Variants in PNPO observed in about 807,000 individuals in gnomAD.
The protein encoded by PNPO is pyridoxine-5'-phosphate oxidase.
Under a neutral mutation model 35.0 loss-of-function variants are expected in PNPO, and 39 were observed. The observed-to-expected ratio is 1.11, with a 90% CI of 0.86 to 1.45. PNPO has a LOEUF of 1.45. Ranked by LOEUF, PNPO falls within the 40% of genes most tolerant of loss-of-function variation. PNPO has a pLI of 0.00. For synonymous variants in PNPO, 115 were observed against 119.8 expected, an observed-to-expected ratio of 0.96 and a Z score of 0.26; for missense variants, 288 against 340.0, an observed-to-expected ratio of 0.85 and a Z score of 1.20.
rs931589895 is a variant in PNPO, at chr17:47,949,181, C to T, written c.*2399C>T. On this transcript the variant is annotated 3_prime_UTR_variant, in exon 7 of 7. Transcript: ENST00000642017. The stretch of plus-strand genomic sequence containing the variant: ...TGTGTGTGTCTAGAAGTGCTGCACT[C>T]ACCTTGTGTTATTGGAGGTTGTGTA... 1 of 152,290 alleles carries T rather than the reference C, an allele frequency of 6.6e-6. No homozygotes were observed. The allele number at this position is 152,290 out of a possible 1,614,324, so 9.4% of individuals were successfully genotyped here. A position where few individuals can be genotyped will look rare whatever the true frequency, so the allele number is the denominator to read the frequency against.
chr17:47,944,804 C>A (rs951775316), intron 3 of PNPO, 89 bp downstream of exon 3: 1 of 1,000,292 alleles, frequency 1.0e-6, no homozygotes, highest in South Asian at 1.3e-5. Context: ...CCCCACCCCC[C>A]CAGTCTACTT....
chr17:47,948,050 A>G lies in PNPO; in HGVS notation c.*1268A>G, dbSNP rs974222349. ...TTACAGGGAAGCAGGTTTCATCTCA[A>G]TATTGGGAGAGATTTCAAACAATCA... On this transcript the variant is annotated 3_prime_UTR_variant, in exon 7 of 7. Coordinates refer to ENST00000642017, the MANE Select transcript of PNPO (RefSeq NM_018129.4). 1 of 152,142 alleles carries G rather than the reference A, an allele frequency of 6.6e-6. No individual in the cohort carries two copies. The highest frequency in any genetic ancestry group is 1.5e-5 in the Non-Finnish European group (1 of 68,024). 9.4% of individuals were successfully genotyped at this position (152,142 alleles called of 1,614,324 possible). A position where few individuals can be genotyped will look rare whatever the true frequency, so the allele number is the denominator to read the frequency against.
chr17:47,944,456 C>T (rs1376881948), intron 2 of PNPO, among the ~76,000 whole-genome samples, 160 bp from the exon 3 acceptor site: 5 of 152,076 alleles, frequency 3.3e-5, no homozygotes, highest in Non-Finnish European at 5.9e-5. Context: ...GGTGTCATAC[C>T]TCTAGGACAA....
chr17:47,943,498 C>T (rs1206596396), intron 2 of PNPO, 68 bp downstream of exon 2: 2 of 1,579,574 alleles, frequency 1.3e-6, no homozygotes, highest in African/African-American at 2.7e-5. Flanking sequence ...AAGCTCTCTA[C>T]TCTGGATGCC....
At position 47,948,953 on chromosome 17, in the gene PNPO, G is replaced by A. The variant is rs148253026; in HGVS notation, c.*2171G>A. Reference sequence around the variant, plus strand: ...TGAACTGTGCTTCCTTCCCCTGCATGGACCTGTGCCTCAGTCACTATTATC... The same window carrying A: ...TGAACTGTGCTTCCTTCCCCTGCATAGACCTGTGCCTCAGTCACTATTATC... On this transcript the variant is annotated 3_prime_UTR_variant, in exon 7 of 7. Transcript: ENST00000642017. 57 of 152,510 alleles carry A rather than the reference G, an allele frequency of 3.7e-4. No individual in the cohort carries two copies. The highest frequency in any genetic ancestry group is 1.3e-3 in the African/African-American group (54 of 41,592). 9.4% of individuals were successfully genotyped at this position (152,510 alleles called of 1,614,324 possible).
rs1267005621 is a variant in PNPO at position 47,945,692 on chromosome 17, C to T, written c.417+80C>T. 15 of 1,453,406 alleles carry T rather than the reference C, an allele frequency of 1.0e-5. No individual in the cohort carries two copies. Among genetic ancestry groups the T allele is most frequent in the Non-Finnish European group, 1.5e-5 (15 of 1,034,084 alleles). The allele number at this position is 1,453,406 out of a possible 1,614,324, so 90.0% of individuals were successfully genotyped here. A position where few individuals can be genotyped will look rare whatever the true frequency, so the allele number is the denominator to read the frequency against. On this transcript the variant is annotated intron_variant, in intron 4 of 6. Coordinates refer to ENST00000642017, the MANE Select transcript of PNPO (RefSeq NM_018129.4). The surrounding 1 kb of genome is among the most constrained non-coding windows in gnomAD (Gnocchi z 4.0). ...TTTATGGCTACGTCTAGCGAAGGTC[C>T]CCAGACTGGGCAAACATCCCAGCTG...
chr17:47,941,720 T>C lies in PNPO; in HGVS notation c.45T>C (p.Pro15=). 1 of 1,545,266 alleles carries C rather than the reference T, an allele frequency of 6.5e-7. No homozygotes were observed. The highest frequency in any genetic ancestry group is 8.7e-7 in the Non-Finnish European group (1 of 1,142,944). ...LRGVTATFGR[P]AEWPGYLSHL... is the part of the protein sequence containing the mutation. ...GCGTCACGGCGACGTTCGGGCGACC[T>C]GCCGAGTGGCCAGGCTACCTCAGTC... Residue 15 remains proline (P), a synonymous_variant, in exon 1 of 7, where the codon CCT becomes CCC. Transcript: ENST00000642017.
Position 47,947,572 on chromosome 17 carries a change from A to G in PNPO, c.*790A>G, listed in dbSNP as rs2144168203. 7.1e-6 allele frequency: 1 copy of G among 140,144 alleles called. No homozygotes were observed. Among genetic ancestry groups the G allele is most frequent in the East Asian group, 2.1e-4 (1 of 4,690 alleles). 8.7% of individuals were successfully genotyped at this position (140,144 alleles called of 1,614,324 possible). A position where few individuals can be genotyped will look rare whatever the true frequency, so the allele number is the denominator to read the frequency against. On this transcript the variant is annotated 3_prime_UTR_variant, in exon 7 of 7. Coordinates refer to ENST00000642017, the MANE Select transcript of PNPO (RefSeq NM_018129.4). ...GAGATGGAGTCTCACTCTGTCACCCAGGCTGGAGTGCAGTGGTGTGATCTT... is the reference window on the plus strand; with the variant it reads ...GAGATGGAGTCTCACTCTGTCACCCGGGCTGGAGTGCAGTGGTGTGATCTT...
At chr17:47,942,518 G>A (rs1429698679) in intron 1 of PNPO, among the ~76,000 whole-genome samples, 1 of 152,184 alleles carries the variant, frequency 6.6e-6, no homozygotes, top group Non-Finnish European at 1.5e-5. Context: ...TGGAATATGG[G>A]GGAAGGGGAC....
chr17:47,944,710 G>A lies in PNPO; in HGVS notation c.358G>A (p.Glu120Lys). 6.2e-7 allele frequency: 1 copy of A among 1,613,126 alleles called. No homozygotes were observed. The highest frequency in any genetic ancestry group is 8.5e-7 in the Non-Finnish European group (1 of 1,179,054). The change falls in exon 3 of 7, where the codon GAG becomes AAG. Residue 120 changes from glutamate to lysine, a missense_variant. Coordinates refer to ENST00000642017, the MANE Select transcript of PNPO (RefSeq NM_018129.4). ...TAACTTCGAGAGTCGAAAAGGAAAA[G>A]AGCTGGTGGGTGAAAAGAGCTAGTA... The part of the protein sequence containing the change: ...FTNFESRKGK[E>K]LDSNPFASLV...
chr17:47,945,784 A>G lies in PNPO; in HGVS notation c.418-77A>G. On this transcript the variant is annotated intron_variant, in intron 4 of 6. Transcript: ENST00000642017. This position sits in a 1 kb window ranked among gnomAD's most constrained non-coding sequence, Gnocchi z 4.0. ...AGAGTGGTGGGGCAGCCGATCGAAC[A>G]GAGAGGAACGGGGCCTGTGCTGGTA... 1 of 1,571,396 alleles carries G rather than the reference A, an allele frequency of 6.4e-7. No individual in the cohort carries two copies. The highest frequency in any genetic ancestry group is 8.7e-7 in the Non-Finnish European group (1 of 1,151,214).
At position 47,941,758 on chromosome 17, in the gene PNPO, G is replaced by T. The variant is rs866973135; in HGVS notation, c.83G>T (p.Arg28Leu). ...WPGYLSHLCG[R>L]SAAMDLGPMR... ...GGCTACCTCAGTCACCTGTGTGGTC[G>T]CAGTGCTGCCATGGACCTGGGACCC... Residue 28 changes from arginine to leucine, a missense_variant, in exon 1 of 7, where the codon CGC becomes CTC. Transcript: ENST00000642017. 1.3e-6 allele frequency: 2 copies of T among 1,562,002 alleles called. No individual in the cohort carries two copies.
intron 2 of PNPO, among the ~76,000 whole-genome samples, chr17:47,944,240 G>GTGTTGT (rs1451103639): frequency 6.5e-5 from 8 of 122,904 alleles, no homozygotes; most frequent in Non-Finnish European, 1.4e-4. Flanking sequence ...TGTGTGTTGT[G>GTGTTGT]GAGGGCAAGG....
intron 1 of PNPO, chr17:47,942,114 T>G: frequency 1.0e-6 from 1 of 983,750 alleles, no homozygotes; most frequent in Non-Finnish European, 1.3e-6. Flanking sequence ...GGCCTCAGTT[T>G]CCTCATCTGG....
At chr17:47,944,841 C>CACA in intron 3 of PNPO, 126 bp downstream of exon 3, 1 of 782,562 alleles carries the variant, frequency 1.3e-6, no homozygotes, top group Non-Finnish European at 2.3e-6. Context: ...TGCCCTCCTG[C>CACA]CATGAGGCCT....
rs776286673 is a variant in PNPO, at chr17:47,945,503, C to T, written c.364-56C>T. The T allele has an allele frequency of 2.3e-5, 32 of 1,397,548 alleles. No homozygotes were observed. The Admixed American group carries it at 2.5e-4, about 11-fold the overall frequency. The allele number at this position is 1,397,548 out of a possible 1,614,324, so 86.6% of individuals were successfully genotyped here. On this transcript the variant is annotated intron_variant, in intron 3 of 6. Transcript: ENST00000642017. The surrounding 1 kb of genome is among the most constrained non-coding windows in gnomAD (Gnocchi z 4.0). ...GCTCTCCTGCCTTTTCCCTGCATGC[C>T]GGAGGCCTCCTCTCCCTGTCCTGAT...
In PNPO at chr17:47,946,854, C is replaced by A; in HGVS notation, c.*72C>A. Reference sequence around the variant, plus strand: ...AGAGGGTGTGGGATTGGGACCCAGGCCCTTCTTTCTAAACTCAACCCATTT... The same window carrying A: ...AGAGGGTGTGGGATTGGGACCCAGGACCTTCTTTCTAAACTCAACCCATTT... On this transcript the variant is annotated 3_prime_UTR_variant, in exon 7 of 7. Transcript: ENST00000642017. The A allele has an allele frequency of 6.9e-7, 1 of 1,445,118 alleles. No homozygotes were observed. Among genetic ancestry groups the A allele is most frequent in the South Asian group, 1.1e-5 (1 of 87,610 alleles). 89.5% of individuals were successfully genotyped at this position (1,445,118 alleles called of 1,614,324 possible). A position where few individuals can be genotyped will look rare whatever the true frequency, so the allele number is the denominator to read the frequency against.
chr17:47,942,448 G>GC (rs1158578319), intron 1 of PNPO, among the ~76,000 whole-genome samples: 3 of 152,180 alleles, frequency 2.0e-5, no homozygotes, highest in Non-Finnish European at 4.4e-5. Flanking sequence ...ATGGTCATGG[G>GC]CCCCTCTTTA....
At chr17:47,942,168 GT>G in intron 1 of PNPO, 1 of 458,320 alleles carries the variant, frequency 2.2e-6, no homozygotes, top group Non-Finnish European at 3.1e-6. Flanking sequence ...GGTCTAAGAT[GT>G]TTGTAAAGTG....
Sources: allele counts gnomAD v4.1 joint callset (sites outside exome capture counted in the v4.1 genomes callset), GRCh38; gene constraint gnomAD v4.1.1; non-coding constraint Gnocchi (gnomAD v3.1); transcripts MANE v1.5; gene names NCBI Gene and HGNC (gene_info 2026-07-23, HGNC 2026-07-21).